Variants in C4orf51 observed in about 807,000 individuals in gnomAD.
The protein encoded by C4orf51 is chromosome 4 open reading frame 51.
C4orf51 carries 25 observed loss-of-function variants against 25.2 expected under a neutral mutation model. The ratio of observed to expected loss-of-function variants is 0.99; its 90% CI spans 0.72 to 1.39. The LOEUF (loss-of-function observed/expected upper bound fraction) is 1.39. Ranked by LOEUF, C4orf51 falls within the 40% of genes most tolerant of loss-of-function variation. The pLI is 0.00. For missense variants in C4orf51, 252 were observed against 239.6 expected, an observed-to-expected ratio of 1.05 and a Z score of -0.34; for synonymous variants, 100 against 84.5, an observed-to-expected ratio of 1.18 and a Z score of -1.01.
chr4:145,700,973 T>G (rs1730398538), intron 2 of C4orf51, among the ~76,000 whole-genome samples: 1 of 151,982 alleles, frequency 6.6e-6, no homozygotes, highest in Non-Finnish European at 1.5e-5. Context: ...ATAGTCGAGG[T>G]TAATGCTCCT....
intron 1 of C4orf51, among the ~76,000 whole-genome samples, chr4:145,691,286 A>G (rs1271773883): frequency 6.6e-6 from 1 of 152,208 alleles, no homozygotes; most frequent in Non-Finnish European, 1.5e-5. Context: ...TAAAAAGTCA[A>G]AAAATAACAG....
chr4:145,761,068 G>C lies in C4orf51; in HGVS notation n.167-9920G>C, dbSNP rs768212398. The C allele has an allele frequency of 7.8e-7, 1 of 1,289,472 alleles. No homozygotes were observed. Among genetic ancestry groups the C allele is most frequent in the South Asian group, 1.2e-5 (1 of 81,012 alleles). The allele number at this position is 1,289,472 out of a possible 1,614,324, so 79.9% of individuals were successfully genotyped here. A position where few individuals can be genotyped will look rare whatever the true frequency, so the allele number is the denominator to read the frequency against. On this transcript the variant is annotated intron_variant and non_coding_transcript_variant, in intron 1 of 1. Transcript: ENST00000510096. This position sits in a 1 kb window ranked among gnomAD's most constrained non-coding sequence, Gnocchi z 6.8. ...CACGGTCTGCAGAGCCTGGGAGGCA[G>C]ACATAACTGACAGGGGAGACAGGAG...
chr4:145,753,348 T>A (rs2126813993), intron 1 of C4orf51, among the ~76,000 whole-genome samples: 1 of 152,212 alleles, frequency 6.6e-6, no homozygotes, highest in South Asian at 2.1e-4. Flanking sequence ...ATATTTATTA[T>A]GTTTCTATCT....
At chr4:145,775,539 C>T (rs1579128695), downstream of C4orf51, among the ~76,000 whole-genome samples, 1 of 152,078 alleles carries the variant, frequency 6.6e-6, no homozygotes, top group African/African-American at 2.4e-5. Flanking sequence ...CCGTCTCTGT[C>T]TGGAGCTCCA....
At chr4:145,720,788 T>C (rs1267731763) in intron 2 of C4orf51, among the ~76,000 whole-genome samples, 1 of 152,110 alleles carries the variant, frequency 6.6e-6, no homozygotes, top group African/African-American at 2.4e-5. Context: ...TGTGGGACAG[T>C]GGAGGGGTCA....
At chr4:145,740,649 T>A (rs1370066878) in intron 1 of C4orf51, among the ~76,000 whole-genome samples, 2 of 152,216 alleles carry the variant, frequency 1.3e-5, no homozygotes, top group Admixed American at 1.3e-4. Flanking sequence ...CAGATGTCAT[T>A]ACTGCAAAGT....
chr4:145,683,644 C>A (rs1021868091), intron 1 of C4orf51, among the ~76,000 whole-genome samples: 1 of 152,168 alleles, frequency 6.6e-6, no homozygotes, highest in Non-Finnish European at 1.5e-5. Flanking sequence ...TACAATGGAG[C>A]AAATATTGTT....
intron 2 of C4orf51, among the ~76,000 whole-genome samples, chr4:145,707,006 G>A (rs1202446227): frequency 6.6e-6 from 1 of 152,036 alleles, no homozygotes; most frequent in Non-Finnish European, 1.5e-5. Context: ...AATAGAGACG[G>A]GGTTTCACCA....
intron 2 of C4orf51, among the ~76,000 whole-genome samples, chr4:145,712,232 A>C (rs1303399355): frequency 1.3e-5 from 2 of 152,224 alleles, no homozygotes; most frequent in East Asian, 3.8e-4. Flanking sequence ...GAGTGAAAGG[A>C]AGAATCACAT....
rs972932905 is a variant in C4orf51, at chr4:145,761,343, G to A, written n.167-9645G>A. ...TGCGCTTGCAGCTGTAGCTGCACTG[G>A]TCACAGTGGAAGGGCCGCTCCCCGG... On this transcript the variant is annotated intron_variant and non_coding_transcript_variant, in intron 1 of 1. Transcript: ENST00000510096. The surrounding 1 kb of genome is among the most constrained non-coding windows in gnomAD (Gnocchi z 6.8). 14 of 1,289,966 alleles carry A rather than the reference G, an allele frequency of 1.1e-5. No individual in the cohort carries two copies. Among genetic ancestry groups the A allele is most frequent in the Non-Finnish European group, 1.4e-5 (14 of 988,900 alleles). 79.9% of individuals were successfully genotyped at this position (1,289,966 alleles called of 1,614,324 possible).
At chr4:145,748,339 A>T (rs1273618034) in intron 1 of C4orf51, among the ~76,000 whole-genome samples, 1 of 152,072 alleles carries the variant, frequency 6.6e-6, no homozygotes, top group Non-Finnish European at 1.5e-5. Context: ...CAGAAAACCA[A>T]CTTTTAATTT....
intron 2 of C4orf51, among the ~76,000 whole-genome samples, chr4:145,703,008 T>G (rs1383293380): frequency 1.3e-5 from 2 of 151,242 alleles, no homozygotes; most frequent in African/African-American, 2.4e-5. Flanking sequence ...CCCCAACACT[T>G]CAACACTATT....
At chr4:145,689,571 C>T (rs185914334) in intron 1 of C4orf51, among the ~76,000 whole-genome samples, 16 of 152,132 alleles carry the variant, frequency 1.1e-4, no homozygotes, top group East Asian at 5.8e-4. Flanking sequence ...TGCTCAACCA[C>T]GTTAGGAATC....
Position 145,709,977 on chromosome 4 carries a change from T to C in C4orf51, c.307+13345T>C, listed in dbSNP as rs566933922. ...GGGGCGAATAAACCATGCACAGAGG[T>C]TGAATGTCTCCAGCTGAAGAAGGCA... On this transcript the variant is annotated intron_variant, in intron 2 of 5. Transcript: ENST00000438731. Among the ~76,000 whole-genome samples, 9 of 151,688 alleles carry C rather than the reference T, an allele frequency of 5.9e-5. No homozygotes were observed. In the East Asian group the frequency reaches 1.6e-3, roughly 26 times the overall value.
downstream of C4orf51, among the ~76,000 whole-genome samples, chr4:145,736,648 C>A (rs1451319923): frequency 6.6e-6 from 1 of 152,238 alleles, no homozygotes; most frequent in Admixed American, 6.5e-5. Context: ...CTCCAATCGG[C>A]TTGGCCATCT....
chr4:145,740,142 G>A (rs1211207454), intron 1 of C4orf51, among the ~76,000 whole-genome samples: 3 of 148,506 alleles, frequency 2.0e-5, no homozygotes, highest in Non-Finnish European at 3.0e-5. Flanking sequence ...TTCTTTTCTG[G>A]AATGTAAAGT....
At chr4:145,699,077 C>T (rs1730263460) in intron 2 of C4orf51, among the ~76,000 whole-genome samples, 1 of 151,668 alleles carries the variant, frequency 6.6e-6, no homozygotes, top group Admixed American at 6.6e-5. Context: ...TTGCAACCCC[C>T]ACTCCTGCCC....
chr4:145,729,464 G>A (rs1220229924), intron 4 of C4orf51, among the ~76,000 whole-genome samples: 1 of 151,210 alleles, frequency 6.6e-6, no homozygotes, highest in Non-Finnish European at 1.5e-5. Context: ...ACCACACCCG[G>A]CTAATTTTTT....
intron 1 of C4orf51, among the ~76,000 whole-genome samples, chr4:145,764,495 G>A (rs1021015675): frequency 6.6e-6 from 1 of 152,190 alleles, no homozygotes; most frequent in African/African-American, 2.4e-5. Context: ...GGATCATGAA[G>A]CACATGATCG....
Sources: allele counts gnomAD v4.1 joint callset (sites outside exome capture counted in the v4.1 genomes callset), GRCh38; gene constraint gnomAD v4.1.1; non-coding constraint Gnocchi (gnomAD v3.1); transcripts MANE v1.5; gene names NCBI Gene and HGNC (gene_info 2026-07-23, HGNC 2026-07-21).